PPM1E: variants seen among roughly 807,000 people sequenced by gnomAD.
The protein encoded by PPM1E is protein phosphatase, Mg2+/Mn2+ dependent 1E, also known as protein phosphatase 1E.
Under a neutral mutation model 65.9 loss-of-function variants are expected in PPM1E, and 20 were observed. That is an observed-to-expected ratio of 0.30 (90% CI 0.21 to 0.44). PPM1E has a LOEUF of 0.44. PPM1E is among the 20% of genes least tolerant of loss of function. PPM1E has a pLI of 1.00. For synonymous variants in PPM1E, 352 were observed against 374.9 expected, an observed-to-expected ratio of 0.94 and a Z score of 0.70; for missense variants, 713 against 953.1, an observed-to-expected ratio of 0.75 and a Z score of 3.32.
chr17:58,904,939 G>A (rs994636589), intron 1 of PPM1E, among the ~76,000 whole-genome samples: 7 of 151,914 alleles, frequency 4.6e-5, no homozygotes, highest in African/African-American at 9.7e-5. Context: ...CAGGAGAATC[G>A]CTTGAACCCA....
chr17:58,756,329 A>G lies in PPM1E; in HGVS notation c.332A>G (p.His111Arg). 2 of 1,425,448 alleles carry G rather than the reference A, an allele frequency of 1.4e-6. No homozygotes were observed. Among genetic ancestry groups the G allele is most frequent in the South Asian group, 1.6e-5 (1 of 64,276 alleles). The allele number at this position is 1,425,448 out of a possible 1,614,324, so 88.3% of individuals were successfully genotyped here. A position where few individuals can be genotyped will look rare whatever the true frequency, so the allele number is the denominator to read the frequency against. ...GCGACGGCGGCGGCAGCCCCGGGGC[A>G]CTCGGCCGTGCCGCCGCCGCCGCCC... ...GAATAAAAPG[H>R]SAVPPPPPQL... Residue 111 changes from histidine (H) to arginine (R), a missense_variant, in exon 1 of 7, where the codon CAC (histidine) becomes CGC (arginine). Coordinates refer to ENST00000308249, the MANE Select transcript of PPM1E (RefSeq NM_014906.5).
chr17:58,885,902 C>T (rs965049194), intron 1 of PPM1E, among the ~76,000 whole-genome samples: 2 of 152,188 alleles, frequency 1.3e-5, no homozygotes, highest in African/African-American at 4.8e-5. Flanking sequence ...ATCAACTGTT[C>T]ACATACACAG....
intron 1 of PPM1E, among the ~76,000 whole-genome samples, chr17:58,953,811 G>A (rs1172562061): frequency 6.8e-6 from 1 of 146,964 alleles, no homozygotes; most frequent in African/African-American, 2.5e-5. Flanking sequence ...GCAATGGCAC[G>A]ATCTCGGCTC....
intron 1 of PPM1E, among the ~76,000 whole-genome samples, chr17:58,778,152 T>G (rs2050011668): frequency 6.6e-6 from 1 of 151,912 alleles, no homozygotes. Context: ...CAGGCTGGAG[T>G]GCAGTGGCCT....
intron 1 of PPM1E, among the ~76,000 whole-genome samples, chr17:58,780,164 C>T (rs2050037342): frequency 6.6e-6 from 1 of 152,206 alleles, no homozygotes; most frequent in South Asian, 2.1e-4. Context: ...TTAAATTCTT[C>T]AACTTATCCT....
rs184466225 is a variant in PPM1E at position 58,763,230 on chromosome 17, A to T, written c.464+6769A>T. Among the ~76,000 whole-genome samples the T allele has an allele frequency of 3.1e-3, 466 of 152,140 alleles. 3 individuals are homozygous for T. The highest frequency in any genetic ancestry group is 0.011 in the African/African-American group (437 of 41,518). The stretch of plus-strand genomic sequence containing the variant: ...CTGTGTTCTGTGAAGTCATTAAGGA[A>T]CCCAGGCTGATGGAGACTCTGTCCT... On this transcript the variant is annotated intron_variant, in intron 1 of 6. Coordinates refer to ENST00000308249, the MANE Select transcript of PPM1E (RefSeq NM_014906.5).
intron 1 of PPM1E, among the ~76,000 whole-genome samples, chr17:58,898,177 G>C (rs554505889): frequency 6.6e-6 from 1 of 152,000 alleles, no homozygotes; most frequent in African/African-American, 2.4e-5. Flanking sequence ...ACTTGAACCT[G>C]GGAGGCAGAG....
chr17:58,811,090 T>A (rs2143095306), intron 1 of PPM1E, among the ~76,000 whole-genome samples: 1 of 152,218 alleles, frequency 6.6e-6, no homozygotes, highest in Admixed American at 6.5e-5. Context: ...ATTCCTGACC[T>A]CAAGTGATCC....
intron 5 of PPM1E, 143 bp downstream of exon 5, chr17:58,972,418 TTGG>T: frequency 2.2e-6 from 2 of 892,254 alleles, no homozygotes; most frequent in Non-Finnish European, 3.3e-6. Flanking sequence ...TGGTGTGATC[TTGG>T]CTCACTGCAA....
At position 58,826,236 on chromosome 17, in the gene PPM1E, G is replaced by T. The variant is rs551602832; in HGVS notation, c.464+69775G>T. On this transcript the variant is annotated intron_variant, in intron 1 of 6. Coordinates refer to ENST00000308249, the MANE Select transcript of PPM1E (RefSeq NM_014906.5). ...TGCTTGAACCTAGGAGGCAGAGGTT[G>T]CAGTGAGCCGAGATGGCTCCACTGC... Among the ~76,000 whole-genome samples the T allele has an allele frequency of 2.7e-5, 4 of 150,574 alleles. No homozygotes were observed. The South Asian group carries it at 8.5e-4, about 32-fold the overall frequency.
At chr17:58,760,374 A>G (rs1375304458) in intron 1 of PPM1E, among the ~76,000 whole-genome samples, 3 of 152,128 alleles carry the variant, frequency 2.0e-5, no homozygotes, top group Non-Finnish European at 2.9e-5. Context: ...CCCAAAACAA[A>G]CAAAACCAAA....
At chr17:58,811,205 A>G (rs761853324) in intron 1 of PPM1E, among the ~76,000 whole-genome samples, 2 of 152,120 alleles carry the variant, frequency 1.3e-5, no homozygotes, top group Admixed American at 1.3e-4. Context: ...CTGATACTGT[A>G]TCTCAAGATG....
chr17:58,824,429 A>G (rs976221461), intron 1 of PPM1E, among the ~76,000 whole-genome samples: 13 of 152,314 alleles, frequency 8.5e-5, no homozygotes, highest in Non-Finnish European at 1.5e-4. Flanking sequence ...TCAAAAGCTT[A>G]TATCAGTGAA....
At chr17:58,818,436 TC>T (rs1374268402) in intron 1 of PPM1E, among the ~76,000 whole-genome samples, 1 of 152,218 alleles carries the variant, frequency 6.6e-6, no homozygotes, top group Non-Finnish European at 1.5e-5. Flanking sequence ...TAGATCTTTA[TC>T]CCTATCTTTT....
intron 1 of PPM1E, among the ~76,000 whole-genome samples, chr17:58,824,370 C>T (rs2050510616): frequency 6.6e-6 from 1 of 152,174 alleles, no homozygotes; most frequent in Admixed American, 6.6e-5. Flanking sequence ...TGCTAATCAA[C>T]TGCTACACTG....
At chr17:58,843,851 T>C (rs188823982) in intron 1 of PPM1E, among the ~76,000 whole-genome samples, 1 of 151,926 alleles carries the variant, frequency 6.6e-6, no homozygotes, top group Non-Finnish European at 1.5e-5. Context: ...AAACAAAACA[T>C]TGTGAAACAA....
rs531141137 is a variant in PPM1E at position 58,901,366 on chromosome 17, G to C, written c.465-54283G>C. Among the ~76,000 whole-genome samples the C allele has an allele frequency of 5.3e-4, 80 of 152,124 alleles. 1 individual carries two copies. The highest frequency in any genetic ancestry group is 1.8e-3 in the African/African-American group (76 of 41,502). ...ATTTTTTGATCACATAACTACTGAG[G>C]GTTTTCTATTAAAAAATAAAAAATG... On this transcript the variant is annotated intron_variant, in intron 1 of 6. Transcript: ENST00000308249.
At chr17:58,871,759 T>C (rs868520592) in intron 1 of PPM1E, among the ~76,000 whole-genome samples, 1 of 150,456 alleles carries the variant, frequency 6.6e-6, no homozygotes, top group Non-Finnish European at 1.5e-5. Context: ...GAGGCTTCAG[T>C]GAGCCATGAT....
At chr17:58,956,461 A>G (rs910438883) in intron 2 of PPM1E, among the ~76,000 whole-genome samples, 13 of 151,240 alleles carry the variant, frequency 8.6e-5, no homozygotes, top group African/African-American at 3.1e-4. Flanking sequence ...ACAAAAAACA[A>G]AAAAAAAAAC....
Sources: allele counts gnomAD v4.1 joint callset (sites outside exome capture counted in the v4.1 genomes callset), GRCh38; gene constraint gnomAD v4.1.1; transcripts MANE v1.5; gene names NCBI Gene and HGNC (gene_info 2026-07-23, HGNC 2026-07-21).